Variants in SPMAP2 observed in about 807,000 individuals in gnomAD.
SPMAP2 encodes sperm microtubule associated protein 2.
chr19:367,018 A>G, the SPMAP2 span: 2 of 1,597,128 alleles, frequency 1.3e-6, no homozygotes, highest in Admixed American at 1.7e-5. Flanking sequence ...GTCCCTTGGG[A>G]TCTGAACAGG....
At chr19:371,217 C>A in the SPMAP2 span, 1 of 1,460,984 alleles carries the variant, frequency 6.8e-7, no homozygotes, top group South Asian at 1.5e-5. Flanking sequence ...CAGACATGGG[C>A]ATGCTCCAGA....
chr19:374,760 C>G, the SPMAP2 span: 1 of 273,208 alleles, frequency 3.7e-6, no homozygotes, highest in South Asian at 7.7e-5. Flanking sequence ...TCACAGACAT[C>G]TGTCAAGTGC....
At chr19:367,119 C>T in the SPMAP2 span, 43 of 1,612,906 alleles carry the variant, frequency 2.7e-5, no homozygotes, top group East Asian at 3.1e-4. Flanking sequence ...GGTTTTGGCA[C>T]GGGGTCCCAC....
chr19:369,799 C>T, the SPMAP2 span, among the ~76,000 whole-genome samples: 2 of 152,152 alleles, frequency 1.3e-5, no homozygotes, highest in African/African-American at 4.8e-5. Flanking sequence ...CGCAAAGAAC[C>T]TTCTTAAGGG....
At chr19:372,954 C>A in the SPMAP2 span, among the ~76,000 whole-genome samples, 1 of 152,174 alleles carries the variant, frequency 6.6e-6, no homozygotes, top group African/African-American at 2.4e-5. Flanking sequence ...GCTGGAACAG[C>A]AGCCCAGCAC....
the SPMAP2 span, chr19:374,552 C>G: frequency 7.8e-7 from 1 of 1,285,296 alleles, no homozygotes; most frequent in East Asian, 2.4e-5. Flanking sequence ...TCTCCTTTCC[C>G]TCGAGGGGTC....
the SPMAP2 span, among the ~76,000 whole-genome samples, chr19:364,125 A>C: frequency 6.6e-6 from 1 of 150,814 alleles, no homozygotes; most frequent in Admixed American, 6.6e-5. Flanking sequence ...CAAGGTCAGG[A>C]GATCGAGACC....
At chr19:374,112 C>T in the SPMAP2 span, 549 of 1,464,544 alleles carry the variant, frequency 3.7e-4, 2 homozygotes, top group Admixed American at 1.8e-3. Context: ...AGAGGGCCAC[C>T]GTTCCCTAGC....
At chr19:362,298 G>A in the SPMAP2 span, 5 of 1,607,496 alleles carry the variant, frequency 3.1e-6, no homozygotes, top group South Asian at 3.4e-5. Flanking sequence ...CCCTCGTTGA[G>A]GCCCTTGCGC....
At chr19:365,854 C>T in the SPMAP2 span, among the ~76,000 whole-genome samples, 2 of 152,170 alleles carry the variant, frequency 1.3e-5, no homozygotes, top group Non-Finnish European at 2.9e-5. Flanking sequence ...TTTAAAAATG[C>T]TGCTTCCTGG....
the SPMAP2 span, among the ~76,000 whole-genome samples, chr19:370,171 G>A: frequency 6.6e-6 from 1 of 152,314 alleles, no homozygotes; most frequent in Admixed American, 6.5e-5. Context: ...GGGAGAGCCT[G>A]AGCTCAATCC....
chr19:373,544 G>A, the SPMAP2 span: 1 of 1,612,834 alleles, frequency 6.2e-7, no homozygotes, highest in Non-Finnish European at 8.5e-7. Flanking sequence ...GGAATAAGCG[G>A]ACGGCTCAGG....
the SPMAP2 span, chr19:374,432 A>G: frequency 6.2e-7 from 1 of 1,613,936 alleles, no homozygotes; most frequent in East Asian, 2.2e-5. Context: ...CTTTGGGAGA[A>G]TTCCACGTTG....
the SPMAP2 span, chr19:374,350 C>T: frequency 1.2e-6 from 2 of 1,614,118 alleles, no homozygotes; most frequent in Admixed American, 3.3e-5. Context: ...CTCCATGAGC[C>T]TCCTCCGCCT....
the SPMAP2 span, among the ~76,000 whole-genome samples, chr19:370,576 T>C: frequency 2.0e-5 from 3 of 151,770 alleles, no homozygotes; most frequent in Non-Finnish European, 4.4e-5. Context: ...GGTCTCGATC[T>C]GCTGACCTCG....
At chr19:367,862 G>C in the SPMAP2 span, among the ~76,000 whole-genome samples, 1 of 152,058 alleles carries the variant, frequency 6.6e-6, no homozygotes, top group African/African-American at 2.4e-5. Flanking sequence ...CCAGCAATTA[G>C]ACCATTTTTT....
chr19:374,023 C>T, the SPMAP2 span: 29 of 1,612,238 alleles, frequency 1.8e-5, no homozygotes, highest in African/African-American at 1.9e-4. Context: ...TGCGAGGAGA[C>T]AGGGTCCGAG....
At chr19:371,366 G>C in the SPMAP2 span, 9 of 736,402 alleles carry the variant, frequency 1.2e-5, no homozygotes, top group Non-Finnish European at 1.8e-5. Flanking sequence ...GGCCGGGGGT[G>C]GGGGTGTGTG....
At chr19:375,860 G>A in the SPMAP2 span, 102 of 1,597,604 alleles carry the variant, frequency 6.4e-5, no homozygotes, top group Middle Eastern at 6.6e-4. Context: ...GCCGGCTCTC[G>A]TACACAGAGC....
Sources: allele counts gnomAD v4.1 joint callset (sites outside exome capture counted in the v4.1 genomes callset), GRCh38; gene constraint gnomAD v4.1.1; transcripts MANE v1.5; gene names NCBI Gene and HGNC (gene_info 2026-07-23, HGNC 2026-07-21).